ANP32A: variants seen among roughly 807,000 people sequenced by gnomAD.
The protein encoded by ANP32A is acidic leucine-rich nuclear phosphoprotein 32 family member A.
A neutral mutation model predicts 33.9 loss-of-function variants in ANP32A; 1 was observed. That is an observed-to-expected ratio of 0.03 (90% CI 0.01 to 0.14). ANP32A has a LOEUF of 0.14. Ranked by LOEUF, ANP32A falls within the 10% of genes least tolerant of loss-of-function variation. The pLI is 1.00. For synonymous variants in ANP32A, 115 were observed against 120.5 expected, an observed-to-expected ratio of 0.95 and a Z score of 0.30; for missense variants, 155 against 306.0, an observed-to-expected ratio of 0.51 and a Z score of 3.68.
At position 68,779,940 on chromosome 15, in the gene ANP32A, T is replaced by C. The variant is rs1596061891; in HGVS notation, c.*141A>G. 3 of 341,880 alleles carry C rather than the reference T, an allele frequency of 8.8e-6. No individual in the cohort carries two copies. The highest frequency in any genetic ancestry group is 2.6e-5 in the South Asian group (1 of 38,874). The allele number at this position is 341,880 out of a possible 1,614,324, so 21.2% of individuals were successfully genotyped here. A position where few individuals can be genotyped will look rare whatever the true frequency, so the allele number is the denominator to read the frequency against. On this transcript the variant is annotated 3_prime_UTR_variant, in exon 7 of 7. Transcript: ENST00000465139. ...CCTCCCCCCGCAACCCCCAGTACAC[T>C]CTTCCCCTCTCGTTCCCACAGCAAC...
chr15:68,783,220 A>G (rs1323113391), intron 4 of ANP32A, among the ~76,000 whole-genome samples, 167 bp from the exon 5 acceptor site: 4 of 152,184 alleles, frequency 2.6e-5, no homozygotes, highest in African/African-American at 9.7e-5. Context: ...CAGTGCTGAC[A>G]TAATTAAACA....
At position 68,780,008 on chromosome 15, in the gene ANP32A, G is replaced by GA; in HGVS notation, c.*72_*73insT. On this transcript the variant is annotated 3_prime_UTR_variant, in exon 7 of 7. Transcript: ENST00000465139. The surrounding 1 kb of genome is among the most constrained non-coding windows in gnomAD (Gnocchi z 4.3). ...ATAAGTTTCAGGGGGCAGGATTGGA[G>GA]GGGGGGGGGAGAGGGGATATGGGTA... The GA allele has an allele frequency of 1.5e-6, 1 of 659,056 alleles. No individual in the cohort carries two copies. 40.8% of individuals were successfully genotyped at this position (659,056 alleles called of 1,614,324 possible). A position where few individuals can be genotyped will look rare whatever the true frequency, so the allele number is the denominator to read the frequency against.
intron 1 of ANP32A, among the ~76,000 whole-genome samples, chr15:68,806,017 G>C (rs1352657924): frequency 2.0e-5 from 3 of 152,190 alleles, no homozygotes; most frequent in Non-Finnish European, 4.4e-5. Flanking sequence ...GGGTCAACCA[G>C]AAAGACAGGG....
intron 1 of ANP32A, among the ~76,000 whole-genome samples, chr15:68,805,426 G>A (rs1470901): frequency 2.6e-5 from 4 of 152,090 alleles, no homozygotes; most frequent in Admixed American, 2.0e-4. Flanking sequence ...GAAAATAAAT[G>A]TATTATTGTT....
At chr15:68,814,513 C>G (rs1455262820) in intron 1 of ANP32A, among the ~76,000 whole-genome samples, 1 of 150,826 alleles carries the variant, frequency 6.6e-6, no homozygotes, top group Non-Finnish European at 1.5e-5. Context: ...CCTTGAGAGG[C>G]TGGTGGTGCA....
chr15:68,796,844 G>T (rs1275541030), intron 1 of ANP32A, among the ~76,000 whole-genome samples: 1 of 152,128 alleles, frequency 6.6e-6, no homozygotes, highest in Non-Finnish European at 1.5e-5. Context: ...CCTGAGTGCA[G>T]AAATAAGGTC....
chr15:68,784,296 G>T, intron 4 of ANP32A, 101 bp downstream of exon 4: 1 of 1,355,892 alleles, frequency 7.4e-7, no homozygotes, highest in Non-Finnish European at 1.0e-6. Flanking sequence ...AGCTGGGTGG[G>T]GGCCTCCCAA....
chr15:68,785,981 A>G (rs1454507922), intron 3 of ANP32A, among the ~76,000 whole-genome samples: 1 of 152,182 alleles, frequency 6.6e-6, no homozygotes, highest in African/African-American at 2.4e-5. Flanking sequence ...AGCACATTCT[A>G]CTAGTTGGCC....
At chr15:68,803,629 C>T (rs993488952) in intron 1 of ANP32A, among the ~76,000 whole-genome samples, 10 of 152,034 alleles carry the variant, frequency 6.6e-5, no homozygotes, top group African/African-American at 2.4e-4. Flanking sequence ...CAGAGGAAAC[C>T]CACACACATT....
intron 1 of ANP32A, among the ~76,000 whole-genome samples, chr15:68,811,643 G>C (rs1435928139): frequency 6.6e-6 from 1 of 152,216 alleles, no homozygotes; most frequent in African/African-American, 2.4e-5. Context: ...GTGGGAAAAA[G>C]TAACTCCTGG....
chr15:68,807,834 G>A (rs527325691), intron 1 of ANP32A, among the ~76,000 whole-genome samples: 2 of 152,232 alleles, frequency 1.3e-5, no homozygotes, highest in South Asian at 2.1e-4. Flanking sequence ...CTGGGTCTGC[G>A]CCTGGGCCCC....
chr15:68,809,492 C>T (rs1489966487), intron 1 of ANP32A, among the ~76,000 whole-genome samples: 3 of 152,080 alleles, frequency 2.0e-5, no homozygotes, highest in Non-Finnish European at 4.4e-5. Context: ...ATATTTTTGG[C>T]GTTACATTTT....
chr15:68,789,858 G>A (rs1458239751), intron 1 of ANP32A: 1 of 152,416 alleles, frequency 6.6e-6, no homozygotes, highest in African/African-American at 2.4e-5. Context: ...CTTCCTGTTG[G>A]GTCTGGGAGG....
chr15:68,797,262 G>C (rs756618492), intron 1 of ANP32A, among the ~76,000 whole-genome samples: 1 of 152,082 alleles, frequency 6.6e-6, no homozygotes, highest in Admixed American at 6.5e-5. Context: ...TGGCCTCCAA[G>C]ATGCCTGGGG....
intron 5 of ANP32A, chr15:68,781,001 G>A (rs1327619005): frequency 6.4e-6 from 1 of 155,716 alleles, no homozygotes; most frequent in African/African-American, 2.4e-5. Context: ...TGGACCACCT[G>A]GAAGGGTTGG....
At chr15:68,795,674 C>T (rs1005888336) in intron 1 of ANP32A, among the ~76,000 whole-genome samples, 9 of 152,216 alleles carry the variant, frequency 5.9e-5, no homozygotes, top group Non-Finnish European at 1.0e-4. Context: ...GGCAGTACTC[C>T]GCAGGCTGGG....
chr15:68,798,318 C>T (rs1424719680), intron 1 of ANP32A, among the ~76,000 whole-genome samples: 1 of 152,198 alleles, frequency 6.6e-6, no homozygotes, highest in East Asian at 1.9e-4. Context: ...CTGCCTATTC[C>T]AGCCCCCAGC....
At chr15:68,781,832 G>A (rs1372640057) in intron 5 of ANP32A, among the ~76,000 whole-genome samples, 1 of 152,148 alleles carries the variant, frequency 6.6e-6, no homozygotes, top group Non-Finnish European at 1.5e-5. Context: ...TCGATCTCCT[G>A]ACCTCAAGTG....
At chr15:68,808,760 CT>C (rs1175720249) in intron 1 of ANP32A, among the ~76,000 whole-genome samples, 1 of 152,218 alleles carries the variant, frequency 6.6e-6, no homozygotes, top group African/African-American at 2.4e-5. Context: ...CTATCACCCC[CT>C]GCACACGCAC....
Sources: allele counts gnomAD v4.1 joint callset (sites outside exome capture counted in the v4.1 genomes callset), GRCh38; gene constraint gnomAD v4.1.1; non-coding constraint Gnocchi (gnomAD v3.1); transcripts MANE v1.5; gene names NCBI Gene and HGNC (gene_info 2026-07-23, HGNC 2026-07-21).